The following ANKS1B variants were observed in gnomAD, a reference collection of about 807,000 sequenced individuals.
ANKS1B encodes the protein ankyrin repeat and sterile alpha motif domain containing 1B, also known as ankyrin repeat and sterile alpha motif domain-containing protein 1B.
In ANKS1B, 36 loss-of-function variants were observed where a neutral mutation model predicts 148.3. That is an observed-to-expected ratio of 0.24 (90% CI 0.19 to 0.32). The LOEUF (loss-of-function observed/expected upper bound fraction) is 0.32. ANKS1B is among the 10% of genes least tolerant of loss of function. The pLI is 1.00. For missense variants in ANKS1B, 1,157 were observed against 1,542.6 expected (o/e 0.75, Z 4.19); for synonymous variants, 542 against 560.8 (o/e 0.97, Z 0.47).
At chr12:99,242,118 T>C (rs980458457) in intron 14 of ANKS1B, among the ~76,000 whole-genome samples, 1 of 152,220 alleles carries the variant, frequency 6.6e-6, no homozygotes, top group Non-Finnish European at 1.5e-5. Context: ...TGTTTGCAGA[T>C]GATATGATTG....
intron 17 of ANKS1B, among the ~76,000 whole-genome samples, chr12:98,851,340 G>A (rs2099524343): frequency 6.6e-6 from 1 of 152,144 alleles, no homozygotes; most frequent in African/African-American, 2.4e-5. Flanking sequence ...TGGGGAGCTG[G>A]GGATGGCCTC....
At chr12:98,927,376 G>A (rs1359116897) in intron 17 of ANKS1B, among the ~76,000 whole-genome samples, 1 of 152,072 alleles carries the variant, frequency 6.6e-6, no homozygotes, top group East Asian at 1.9e-4. Flanking sequence ...ATGAAAGGAT[G>A]CTGGACAGTA....
intron 1 of ANKS1B, among the ~76,000 whole-genome samples, chr12:99,980,439 A>G (rs778282317): frequency 1.1e-4 from 17 of 152,048 alleles, no homozygotes; most frequent in Non-Finnish European, 1.9e-4. Context: ...TAAGCACATT[A>G]TAAGTGTTCA....
chr12:99,964,398 C>G (rs2095458777), intron 1 of ANKS1B, among the ~76,000 whole-genome samples: 1 of 152,216 alleles, frequency 6.6e-6, no homozygotes, highest in African/African-American at 2.4e-5. Context: ...CCCTATTCCT[C>G]TTTTCCTTCC....
intron 12 of ANKS1B, among the ~76,000 whole-genome samples, chr12:99,396,844 C>A (rs560074801): frequency 1.3e-5 from 2 of 152,032 alleles, no homozygotes; most frequent in African/African-American, 4.8e-5. Context: ...TTCAGAAAAT[C>A]GATCATCCCC....
chr12:99,511,153 G>A (rs1351228613), intron 9 of ANKS1B, among the ~76,000 whole-genome samples: 1 of 151,994 alleles, frequency 6.6e-6, no homozygotes, highest in Non-Finnish European at 1.5e-5. Flanking sequence ...GATGTTGGCT[G>A]TGGGTTTGTC....
At chr12:99,571,268 T>C (rs1717580943) in intron 9 of ANKS1B, among the ~76,000 whole-genome samples, 2 of 152,186 alleles carry the variant, frequency 1.3e-5, no homozygotes, top group South Asian at 2.1e-4. Context: ...GAAGATCCTA[T>C]AGACTCAACA....
chr12:99,347,073 C>T (rs896313542), intron 12 of ANKS1B, among the ~76,000 whole-genome samples: 9 of 151,898 alleles, frequency 5.9e-5, no homozygotes, highest in African/African-American at 1.7e-4. Flanking sequence ...ACTGTGGTTG[C>T]CTGTTTTGAC....
intron 19 of ANKS1B, among the ~76,000 whole-genome samples, chr12:98,812,932 G>A (rs2099109486): frequency 6.6e-6 from 1 of 152,176 alleles, no homozygotes; most frequent in African/African-American, 2.4e-5. Context: ...CAGGCTCACA[G>A]AGCAAGCGAC....
At chr12:98,749,396 C>T (rs1212250356) in intron 26 of ANKS1B, among the ~76,000 whole-genome samples, 5 of 152,084 alleles carry the variant, frequency 3.3e-5, no homozygotes, top group African/African-American at 9.7e-5. Context: ...CGTGAGCCAC[C>T]GTGCCCGGCC....
At chr12:98,884,030 C>T (rs771405809) in intron 17 of ANKS1B, among the ~76,000 whole-genome samples, 9 of 152,094 alleles carry the variant, frequency 5.9e-5, no homozygotes, top group Admixed American at 1.3e-4. Flanking sequence ...AAGATGTATA[C>T]GTAGATTCAC....
At chr12:99,861,725 A>G (rs1050503657) in intron 1 of ANKS1B, among the ~76,000 whole-genome samples, 8 of 152,170 alleles carry the variant, frequency 5.3e-5, no homozygotes, top group Non-Finnish European at 1.2e-4. Flanking sequence ...CATGCAAACA[A>G]TTTTGGTTTA....
rs1337172644 is a variant in ANKS1B, at chr12:99,397,693, T to G, written c.1756+1938A>C. 2.0e-5 allele frequency among the ~76,000 whole-genome samples: 3 copies of G among 152,110 alleles called. No homozygotes were observed. The East Asian group carries it at 5.8e-4, about 29-fold the overall frequency. On this transcript the variant is annotated intron_variant, in intron 12 of 26. Coordinates refer to ENST00000683438, the MANE Select transcript of ANKS1B (RefSeq NM_001352186.2). The stretch of plus-strand genomic sequence containing the variant: ...TCCTTATCTACAGATAATACCGAAT[T>G]TATATAACAGTCATGAGGTTTAAAT...
At chr12:99,119,803 G>C (rs926395637) in intron 15 of ANKS1B, among the ~76,000 whole-genome samples, 5 of 152,126 alleles carry the variant, frequency 3.3e-5, no homozygotes, top group African/African-American at 1.2e-4. Flanking sequence ...ATAAGATCTT[G>C]GAGATTGCAA....
chr12:99,166,609 C>T (rs1014018179), intron 14 of ANKS1B, among the ~76,000 whole-genome samples: 4 of 151,966 alleles, frequency 2.6e-5, no homozygotes, highest in Admixed American at 2.6e-4. Context: ...AAAAATCATA[C>T]AGGACCTAAA....
intron 20 of ANKS1B, 79 bp downstream of exon 20, chr12:98,807,765 C>A: frequency 1.6e-6 from 2 of 1,246,442 alleles, no homozygotes; most frequent in Non-Finnish European, 2.3e-6. Flanking sequence ...GGACACAGTA[C>A]CTATAGCTGT....
At chr12:99,783,021 T>G (rs1446922930) in intron 4 of ANKS1B, among the ~76,000 whole-genome samples, 1 of 151,830 alleles carries the variant, frequency 6.6e-6, no homozygotes, top group Non-Finnish European at 1.5e-5. Flanking sequence ...AAACCCCATC[T>G]CTACTAAAAA....
At chr12:99,933,257 T>C (rs2094672034) in intron 1 of ANKS1B, among the ~76,000 whole-genome samples, 1 of 152,176 alleles carries the variant, frequency 6.6e-6, no homozygotes, top group Non-Finnish European at 1.5e-5. Context: ...CCTTTGTGGT[T>C]CCATATAAAT....
At chr12:98,735,798 C>T (rs2097769826) in intron 9 of ANKS1B, among the ~76,000 whole-genome samples, 1 of 152,038 alleles carries the variant, frequency 6.6e-6, no homozygotes, top group Non-Finnish European at 1.5e-5. Flanking sequence ...CAGGGAGAGG[C>T]AGAAAAAGTA....
Sources: gnomAD v4.1 joint callset for allele counts (sites outside exome capture counted in the v4.1 genomes callset) on GRCh38, gnomAD v4.1.1 for gene constraint, MANE v1.5 for transcripts, NCBI Gene and HGNC (gene_info 2026-07-23, HGNC 2026-07-21) for gene names.